The following SP4 variants were observed in gnomAD, a reference collection of about 807,000 sequenced individuals.
SP4 encodes the protein Sp4 transcription factor.
A neutral mutation model predicts 72.8 loss-of-function variants in SP4; 19 were observed. That is an observed-to-expected ratio of 0.26 (90% CI 0.18 to 0.38). The LOEUF (loss-of-function observed/expected upper bound fraction) is 0.38, where lower values mean the gene tolerates loss of function less well. Among genes scored for constraint, SP4 ranks in the 10% least tolerant of loss-of-function variants. The pLI, the probability that SP4 is intolerant of heterozygous loss-of-function variation, is 1.00. For synonymous variants in SP4, 395 were observed against 333.1 expected, an observed-to-expected ratio of 1.19 and a Z score of -2.02; for missense variants, 1,008 against 926.3, an observed-to-expected ratio of 1.09 and a Z score of -1.14.
intron 3 of SP4, among the ~76,000 whole-genome samples, chr7:21,437,476 G>A (rs1783085658): frequency 6.6e-6 from 1 of 152,108 alleles, no homozygotes; most frequent in Non-Finnish European, 1.5e-5. Flanking sequence ...ACTATGGCAT[G>A]GGGTTCTAAT....
intron 5 of SP4, among the ~76,000 whole-genome samples, chr7:21,507,467 T>C (rs1046368269): frequency 1.3e-5 from 2 of 152,172 alleles, no homozygotes; most frequent in African/African-American, 4.8e-5. Flanking sequence ...TTGTGAGATG[T>C]ATGGAGGGGC....
rs1434316107 is a variant in SP4, at chr7:21,510,398, A to T, written c.2108-624A>T. On this transcript the variant is annotated intron_variant, in intron 5 of 5. Coordinates refer to ENST00000222584, the MANE Select transcript of SP4 (RefSeq NM_003112.5). Reference sequence around the variant, plus strand: ...AACTAGCTTTTATTCCAAAACAAAGAAGTCGGTCCAGTAAAACTATCTTAT... The same window carrying T: ...AACTAGCTTTTATTCCAAAACAAAGTAGTCGGTCCAGTAAAACTATCTTAT... Among the ~76,000 whole-genome samples, 4 of 152,200 alleles carry T rather than the reference A, an allele frequency of 2.6e-5. No homozygotes were observed. In the East Asian group the frequency reaches 7.7e-4, roughly 29 times the overall value.
chr7:21,481,873 T>C (rs759784388), intron 4 of SP4, 51 bp from the exon 5 acceptor site: 6 of 1,254,408 alleles, frequency 4.8e-6, no homozygotes, highest in Admixed American at 1.7e-5. Flanking sequence ...TCTATAATTG[T>C]AAACCTACTA....
chr7:21,462,567 T>C (rs1583409433), intron 3 of SP4, among the ~76,000 whole-genome samples: 1 of 152,302 alleles, frequency 6.6e-6, no homozygotes, highest in South Asian at 2.1e-4. Flanking sequence ...AAGTGTCTAG[T>C]TTGTATCTGG....
At position 21,477,319 on chromosome 7, in the gene SP4, A is replaced by AT. The variant is rs751848278; in HGVS notation, c.1907+17dup. ...GAAGGAGAAGGAAGGTAAATGCTGT[A>AT]TTTTTCAACTGTGTCTATTTGGAAG... On this transcript the variant is annotated intron_variant, in intron 4 of 5. Transcript: ENST00000222584. 5.1e-6 allele frequency: 8 copies of AT among 1,564,828 alleles called. No homozygotes were observed. In the East Asian group the frequency reaches 1.8e-4, roughly 35 times the overall value.
At position 21,481,926 on chromosome 7, in the gene SP4, G is replaced by T. The variant is rs768095653; in HGVS notation, c.1910G>T (p.Gly637Val). The change falls in exon 5 of 6, where the codon GGC (glycine) becomes GTC (valine). Residue 637 changes from glycine (G) to valine (V), a missense_variant and splice_region_variant. Gly to Val is a moderately radical substitution (Grantham distance 109). Around this residue, in one of 3 missense-constraint regions of SP4, gnomAD observed 893 missense variants for 743.3 expected, o/e 1.20. Coordinates refer to ENST00000222584, the MANE Select transcript of SP4 (RefSeq NM_003112.5). ...TGTTCGGTTTTTGTTTTTGCTAGAGGCAGTAATGAACCAGGAAAAAAGAAG... is the reference window on the plus strand; with the variant it reads ...TGTTCGGTTTTTGTTTTTGCTAGAGTCAGTAATGAACCAGGAAAAAAGAAG... ...CPNCREGEGR[G>V]SNEPGKKKQH... is the part of the protein sequence containing the mutation. 2 of 1,612,696 alleles carry T rather than the reference G, an allele frequency of 1.2e-6. No individual in the cohort carries two copies. Among genetic ancestry groups the T allele is most frequent in the East Asian group, 4.5e-5 (2 of 44,842 alleles).
At chr7:21,464,318 G>A (rs796682033) in intron 3 of SP4, among the ~76,000 whole-genome samples, 1 of 151,634 alleles carries the variant, frequency 6.6e-6, no homozygotes, top group Admixed American at 6.6e-5. Flanking sequence ...GGATGGTCTC[G>A]ATCTCCTGAC....
chr7:21,492,833 T>G (rs928292239), intron 5 of SP4, among the ~76,000 whole-genome samples: 1 of 152,210 alleles, frequency 6.6e-6, no homozygotes, highest in Non-Finnish European at 1.5e-5. Flanking sequence ...AATGTGTATT[T>G]TATTCAAGAG....
At chr7:21,479,025 G>A (rs1784598498) in intron 4 of SP4, among the ~76,000 whole-genome samples, 1 of 150,574 alleles carries the variant, frequency 6.6e-6, no homozygotes, top group Admixed American at 6.6e-5. Context: ...CCGAGATCGC[G>A]CCACTGCACT....
chr7:21,484,734 TCTA>T (rs1784768664), intron 5 of SP4, among the ~76,000 whole-genome samples: 1 of 151,918 alleles, frequency 6.6e-6, no homozygotes, highest in African/African-American at 2.4e-5. Context: ...AAGAAAATTT[TCTA>T]CTTTGTTTGA....
Position 21,428,217 on chromosome 7 carries a change from T to C in SP4, c.-35T>C, listed in dbSNP as rs1782683286. 3 of 911,742 alleles carry C rather than the reference T, an allele frequency of 3.3e-6. No homozygotes were observed. The highest frequency in any genetic ancestry group is 4.6e-6 in the Non-Finnish European group (3 of 651,562). The allele number at this position is 911,742 out of a possible 1,614,324, so 56.5% of individuals were successfully genotyped here. ...CCACCCCCACCCACCTCTATCCCAG[T>C]GTCTCCGTCTGAGGGTTTGTCCTGT... On this transcript the variant is annotated 5_prime_UTR_variant, in exon 1 of 6. Coordinates refer to ENST00000222584, the MANE Select transcript of SP4 (RefSeq NM_003112.5).
intron 5 of SP4, among the ~76,000 whole-genome samples, chr7:21,501,309 GA>G (rs1364928948): frequency 6.6e-6 from 1 of 152,056 alleles, no homozygotes; most frequent in Non-Finnish European, 1.5e-5. Flanking sequence ...ATCATGCCTT[GA>G]AAATAGATCA....
chr7:21,509,936 G>A (rs1242352362), intron 5 of SP4, among the ~76,000 whole-genome samples: 1 of 152,196 alleles, frequency 6.6e-6, no homozygotes, highest in Admixed American at 6.5e-5. Flanking sequence ...AATCATGGTG[G>A]AGGGCAAAGA....
At chr7:21,460,969 G>C (rs530578589) in intron 3 of SP4, among the ~76,000 whole-genome samples, 14 of 152,248 alleles carry the variant, frequency 9.2e-5, no homozygotes, top group Non-Finnish European at 2.1e-4. Flanking sequence ...GCTAGACACA[G>C]CTGATTGGTG....
intron 3 of SP4, among the ~76,000 whole-genome samples, chr7:21,471,356 T>A (rs1002254962): frequency 6.6e-6 from 1 of 152,126 alleles, no homozygotes; most frequent in Non-Finnish European, 1.5e-5. Flanking sequence ...ATGGAGACAT[T>A]TGAGATATTT....
At chr7:21,475,032 C>G (rs1195123142) in intron 3 of SP4, among the ~76,000 whole-genome samples, 1 of 151,946 alleles carries the variant, frequency 6.6e-6, no homozygotes, top group African/African-American at 2.4e-5. Context: ...CTTTTTATTG[C>G]CTCTTCTTGG....
At chr7:21,451,175 C>T (rs944418301) in intron 3 of SP4, among the ~76,000 whole-genome samples, 4 of 152,262 alleles carry the variant, frequency 2.6e-5, no homozygotes, top group South Asian at 2.1e-4. Context: ...GTCTAGTGCT[C>T]ATATATCAGT....
At chr7:21,453,283 A>G (rs1783658464) in intron 3 of SP4, among the ~76,000 whole-genome samples, 1 of 152,076 alleles carries the variant, frequency 6.6e-6, no homozygotes, top group Non-Finnish European at 1.5e-5. Flanking sequence ...TCTTTATCCT[A>G]TGTCACAATC....
At chr7:21,462,705 A>T (rs746210812) in intron 3 of SP4, among the ~76,000 whole-genome samples, 31 of 152,260 alleles carry the variant, frequency 2.0e-4, no homozygotes, top group Non-Finnish European at 3.8e-4. Flanking sequence ...TTGCAGAATT[A>T]TGAGAACTGA....
Sources: allele counts gnomAD v4.1 joint callset (sites outside exome capture counted in the v4.1 genomes callset), GRCh38; gene constraint gnomAD v4.1.1; regional missense constraint gnomAD v4.1.1; transcripts MANE v1.5; gene names NCBI Gene and HGNC (gene_info 2026-07-23, HGNC 2026-07-21).